The following RASL10B variants were observed in gnomAD, a reference collection of about 807,000 sequenced individuals.
RASL10B encodes the protein ras-like protein family member 10B.
In RASL10B, 10 loss-of-function variants were observed where a neutral mutation model predicts 20.7. The observed-to-expected ratio is 0.48, with a 90% CI of 0.30 to 0.82. RASL10B has a LOEUF of 0.82. RASL10B is among the 40% of genes least tolerant of loss of function. The pLI is 0.07. For synonymous variants in RASL10B, 110 were observed against 123.3 expected, an observed-to-expected ratio of 0.89 and a Z score of 0.72; for missense variants, 231 against 295.4, an observed-to-expected ratio of 0.78 and a Z score of 1.60.
Position 35,735,852 on chromosome 17 carries a change from CAGG to C in RASL10B, c.216+453_216+455del, listed in dbSNP as rs1252459950. Among the ~76,000 whole-genome samples the C allele has an allele frequency of 6.6e-6, 1 of 152,096 alleles. No individual in the cohort carries two copies. Among genetic ancestry groups the C allele is most frequent in the African/African-American group, 2.4e-5 (1 of 41,388 alleles). On this transcript the variant is annotated intron_variant, in intron 2 of 3. Transcript: ENST00000603017. This position sits in a 1 kb window ranked among gnomAD's most constrained non-coding sequence, Gnocchi z 6.7. ...ATGTCTCAACTAAATAGGTTTTAGG[CAGG>C]TAAGAGTCAGTAGAGAAAAGGACAG...
At chr17:35,737,934 G>A (rs587647137) in intron 2 of RASL10B, among the ~76,000 whole-genome samples, 7 of 151,786 alleles carry the variant, frequency 4.6e-5, no homozygotes, top group African/African-American at 1.7e-4. Context: ...ACTGTAACTG[G>A]AGTTTGGAGG....
rs2085610216 is a variant in RASL10B at position 35,738,694 on chromosome 17, G to A, written c.217-1715G>A. Among the ~76,000 whole-genome samples, 9 of 152,166 alleles carry A rather than the reference G, an allele frequency of 5.9e-5. 1 individual carries two copies. The South Asian group carries it at 1.9e-3, about 32-fold the overall frequency. On this transcript the variant is annotated intron_variant, in intron 2 of 3. Transcript: ENST00000603017. Reference sequence around the variant, plus strand: ...CCTGCTTCCTCCCTTCAATCAAGGGGGAAGGGATAAGCTAGCCAATCAGGG... The same window carrying A: ...CCTGCTTCCTCCCTTCAATCAAGGGAGAAGGGATAAGCTAGCCAATCAGGG...
Position 35,743,002 on chromosome 17 carries a change from G to A in RASL10B, c.*1697G>A, listed in dbSNP as rs2143020899. ...AGCACAGCCTCACAGCAACCGCCCT[G>A]ACCTTGGGCAGTCTAGTGTTCCTGC... On this transcript the variant is annotated 3_prime_UTR_variant, in exon 4 of 4. Coordinates refer to ENST00000603017, the MANE Select transcript of RASL10B (RefSeq NM_033315.4). 1 of 152,806 alleles carries A rather than the reference G, an allele frequency of 6.5e-6. No homozygotes were observed. The highest frequency in any genetic ancestry group is 1.9e-4 in the East Asian group (1 of 5,188). 9.5% of individuals were successfully genotyped at this position (152,806 alleles called of 1,614,324 possible). A position where few individuals can be genotyped will look rare whatever the true frequency, so the allele number is the denominator to read the frequency against.
At position 35,735,151 on chromosome 17, in the gene RASL10B, G is replaced by GGCAAGGA. The variant is rs2085582197; in HGVS notation, c.-33_-27dup. On this transcript the variant is annotated 5_prime_UTR_variant, in exon 2 of 4. Transcript: ENST00000603017. The surrounding 1 kb of genome is among the most constrained non-coding windows in gnomAD (Gnocchi z 6.7). ...GCAGCCCGGGGGAGCCCCAGACAGC[G>GGCAAGGA]GCAAGGACGAGGTGGCGGAGTGGGG... 1 of 1,590,224 alleles carries GGCAAGGA rather than the reference G, an allele frequency of 6.3e-7. No individual in the cohort carries two copies. Among genetic ancestry groups the GGCAAGGA allele is most frequent in the African/African-American group, 1.3e-5 (1 of 74,694 alleles).
Position 35,741,361 on chromosome 17 carries a change from A to C in RASL10B, c.*56A>C, listed in dbSNP as rs2085628268. Reference sequence around the variant, plus strand: ...CTGGCCGAGCGGAGGGCGGGGCCGTACTGCGGGGCTGGGGCGGGGAGCGGG... The same window carrying C: ...CTGGCCGAGCGGAGGGCGGGGCCGTCCTGCGGGGCTGGGGCGGGGAGCGGG... On this transcript the variant is annotated 3_prime_UTR_variant, in exon 4 of 4. Coordinates refer to ENST00000603017, the MANE Select transcript of RASL10B (RefSeq NM_033315.4). 2 of 1,376,716 alleles carry C rather than the reference A, an allele frequency of 1.5e-6. No homozygotes were observed. Among genetic ancestry groups the C allele is most frequent in the Non-Finnish European group, 1.9e-6 (2 of 1,071,384 alleles). The allele number at this position is 1,376,716 out of a possible 1,614,324, so 85.3% of individuals were successfully genotyped here.
Position 35,740,504 on chromosome 17 carries a change from G to T in RASL10B, c.312G>T (p.Lys104Asn). ...GCTTTGACAGCTTTGAGTACGTCAAGACCATCCGCCAGCAGATCCTGGAGA... is the reference window on the plus strand; with the variant it reads ...GCTTTGACAGCTTTGAGTACGTCAATACCATCCGCCAGCAGATCCTGGAGA... The part of the protein sequence containing the change: ...ICCFDSFEYV[K>N]TIRQQILETR... The change falls in exon 3 of 4, where the codon AAG (lysine) becomes AAT (asparagine). Residue 104 changes from lysine (K) to asparagine (N), a missense_variant. By Grantham distance (94) the Lys-to-Asn change is moderately conservative. Coordinates refer to ENST00000603017, the MANE Select transcript of RASL10B (RefSeq NM_033315.4). 6.2e-7 allele frequency: 1 copy of T among 1,613,832 alleles called. No individual in the cohort carries two copies. The highest frequency in any genetic ancestry group is 1.1e-5 in the South Asian group (1 of 91,058).
chr17:35,738,608 CT>C (rs1419437181), intron 2 of RASL10B, among the ~76,000 whole-genome samples: 3 of 152,192 alleles, frequency 2.0e-5, no homozygotes, highest in Admixed American at 2.0e-4. Context: ...ACTGGACTCC[CT>C]TTCTATTGCT....
chr17:35,735,463 T>G lies in RASL10B; in HGVS notation c.216+63T>G. On this transcript the variant is annotated intron_variant, in intron 2 of 3. Coordinates refer to ENST00000603017, the MANE Select transcript of RASL10B (RefSeq NM_033315.4). This position sits in a 1 kb window ranked among gnomAD's most constrained non-coding sequence, Gnocchi z 6.7. ...CGGATGGGTAGGGGAGAGGCTGGATTCCAAACTGCTGTAGCTTGGGCCCTA... is the reference window on the plus strand; with the variant it reads ...CGGATGGGTAGGGGAGAGGCTGGATGCCAAACTGCTGTAGCTTGGGCCCTA... 1 of 1,539,182 alleles carries G rather than the reference T, an allele frequency of 6.5e-7. No homozygotes were observed. The highest frequency in any genetic ancestry group is 8.9e-7 in the Non-Finnish European group (1 of 1,120,080).
chr17:35,737,512 T>C (rs2085600763), intron 2 of RASL10B, among the ~76,000 whole-genome samples: 1 of 151,562 alleles, frequency 6.6e-6, no homozygotes, highest in Non-Finnish European at 1.5e-5. Flanking sequence ...TGTAGATAGG[T>C]CATTTTGAAC....
At chr17:35,738,351 C>T (rs183401844) in intron 2 of RASL10B, among the ~76,000 whole-genome samples, 1 of 152,164 alleles carries the variant, frequency 6.6e-6, no homozygotes, top group Non-Finnish European at 1.5e-5. Context: ...CCTCAAGGCA[C>T]CAAAGATTAA....
chr17:35,734,995 C>T, intron 1 of RASL10B, 43 bp from the exon 2 acceptor site: 1 of 611,924 alleles, frequency 1.6e-6, no homozygotes, highest in East Asian at 2.8e-5. Context: ...AGGACACGTC[C>T]AGGGATAAGC....
chr17:35,733,080 A>G (rs1164351516), intron 1 of RASL10B, among the ~76,000 whole-genome samples: 1 of 152,210 alleles, frequency 6.6e-6, no homozygotes. Context: ...TGAGGTCTTC[A>G]CTTCCCTAAG....
rs1308050806 is a variant in RASL10B, at chr17:35,735,808, T to TG, written c.216+414dup. On this transcript the variant is annotated intron_variant, in intron 2 of 3. Coordinates refer to ENST00000603017, the MANE Select transcript of RASL10B (RefSeq NM_033315.4). The surrounding 1 kb of genome is among the most constrained non-coding windows in gnomAD (Gnocchi z 6.7). The stretch of plus-strand genomic sequence containing the variant: ...CCATCCAGATGTGTTGGGGTGGAGT[T>TG]GGGGGGTCACAGAGGGTGATGTCTC... Among the ~76,000 whole-genome samples the TG allele has an allele frequency of 2.0e-5, 3 of 152,020 alleles. No homozygotes were observed. The highest frequency in any genetic ancestry group is 4.8e-5 in the African/African-American group (2 of 41,348).
chr17:35,742,912 T>C lies in RASL10B; in HGVS notation c.*1607T>C, dbSNP rs1375682034. The C allele has an allele frequency of 8.5e-5, 13 of 152,216 alleles. No homozygotes were observed. The highest frequency in any genetic ancestry group is 3.1e-4 in the African/African-American group (13 of 41,408). The allele number at this position is 152,216 out of a possible 1,614,324, so 9.4% of individuals were successfully genotyped here. ...GTGGGGAATTTATCACCAACATCCA[T>C]TGTAGGGGGAATCTATGATTCTGCT... On this transcript the variant is annotated 3_prime_UTR_variant, in exon 4 of 4. Coordinates refer to ENST00000603017, the MANE Select transcript of RASL10B (RefSeq NM_033315.4).
At chr17:35,734,157 G>A (rs1555596741) in intron 1 of RASL10B, among the ~76,000 whole-genome samples, 1 of 152,176 alleles carries the variant, frequency 6.6e-6, no homozygotes, top group African/African-American at 2.4e-5. Context: ...GTGGTGGCAG[G>A]TGCCTGTAAT....
At position 35,741,720 on chromosome 17, in the gene RASL10B, T is replaced by C. The variant is rs1357979644; in HGVS notation, c.*415T>C. Reference sequence around the variant, plus strand: ...CCGTGTCCGCCCACCCCAGCGTCTGTTGGTACTTACCTGTCTCACCTACCC... The same window carrying C: ...CCGTGTCCGCCCACCCCAGCGTCTGCTGGTACTTACCTGTCTCACCTACCC... On this transcript the variant is annotated 3_prime_UTR_variant, in exon 4 of 4. Coordinates refer to ENST00000603017, the MANE Select transcript of RASL10B (RefSeq NM_033315.4). 2 of 180,830 alleles carry C rather than the reference T, an allele frequency of 1.1e-5. No individual in the cohort carries two copies. Among genetic ancestry groups the C allele is most frequent in the African/African-American group, 4.7e-5 (2 of 42,572 alleles). 11.2% of individuals were successfully genotyped at this position (180,830 alleles called of 1,614,324 possible). A position where few individuals can be genotyped will look rare whatever the true frequency, so the allele number is the denominator to read the frequency against.
chr17:35,740,635 T>G, intron 3 of RASL10B, 102 bp downstream of exon 3: 2 of 1,382,088 alleles, frequency 1.4e-6, no homozygotes, highest in Non-Finnish European at 2.0e-6. Flanking sequence ...TAGAGGTATA[T>G]GTGTTCTAAG....
chr17:35,734,665 A>T (rs1165048538), intron 1 of RASL10B, among the ~76,000 whole-genome samples: 1 of 152,170 alleles, frequency 6.6e-6, no homozygotes, highest in African/African-American at 2.4e-5. Context: ...GCACTGAGAC[A>T]CACCTGCCCA....
intron 3 of RASL10B, among the ~76,000 whole-genome samples, 197 bp from the exon 4 acceptor site, chr17:35,740,838 G>A (rs1182252150): frequency 3.3e-5 from 5 of 152,240 alleles, no homozygotes; most frequent in African/African-American, 1.2e-4. Flanking sequence ...GTCCTCATCT[G>A]TAAAATGGGG....
Sources: gnomAD v4.1 joint callset for allele counts (sites outside exome capture counted in the v4.1 genomes callset) on GRCh38, gnomAD v4.1.1 for gene constraint, Gnocchi (gnomAD v3.1) non-coding constraint, MANE v1.5 for transcripts, NCBI Gene and HGNC (gene_info 2026-07-23, HGNC 2026-07-21) for gene names.